The following LRP1B variants were observed in gnomAD, a reference collection of about 807,000 sequenced individuals.
LRP1B encodes low-density lipoprotein receptor-related protein 1B.
A neutral mutation model predicts 556.6 loss-of-function variants in LRP1B; 217 were observed. The observed-to-expected ratio is 0.39, with a 90% CI of 0.35 to 0.44. The LOEUF (loss-of-function observed/expected upper bound fraction) is 0.44, where lower values mean the gene tolerates loss of function less well. LRP1B is among the 20% of genes least tolerant of loss of function. LRP1B has a pLI of 1.00. For missense variants in LRP1B, 5,053 were observed against 5,620.8 expected (o/e 0.90, Z 3.23); for synonymous variants, 2,047 against 1,865.8 (o/e 1.10, Z -2.50).
intron 83 of LRP1B, among the ~76,000 whole-genome samples, chr2:140,313,438 A>G (rs1684391059): frequency 6.6e-6 from 1 of 151,936 alleles, no homozygotes; most frequent in Admixed American, 6.6e-5. Flanking sequence ...GCATCAAGAC[A>G]GCAAATTCAA....
At chr2:141,836,231 T>G (rs1697273973) in intron 1 of LRP1B, among the ~76,000 whole-genome samples, 3 of 152,040 alleles carry the variant, frequency 2.0e-5, no homozygotes, top group African/African-American at 4.8e-5. Context: ...GCCACTATTG[T>G]GCAAACTCAC....
chr2:140,247,160 C>T lies in LRP1B; in HGVS notation c.13250G>A (p.Cys4417Tyr), dbSNP rs2104899295. 1 of 1,606,928 alleles carries T rather than the reference C, an allele frequency of 6.2e-7. No individual in the cohort carries two copies. The highest frequency in any genetic ancestry group is 8.5e-7 in the Non-Finnish European group (1 of 1,174,682). ...CTGTGTGCCTGACCAGTTGGTGGAG[C>T]ATCTAAAAATATCCAAACAACAAAC... ...DPETNVPVCL[C>Y]STNWSGTQCE... The change falls in exon 87 of 91, where the codon TGC becomes TAC. Residue 4417 changes from cysteine (C) to tyrosine (Y), a missense_variant and splice_region_variant. Around this residue, in one of 5 missense-constraint regions of LRP1B, gnomAD observed 551 missense variants for 592.0 expected, o/e 0.93. Coordinates refer to ENST00000389484, the MANE Select transcript of LRP1B (RefSeq NM_018557.3).
chr2:141,778,186 G>A (rs918518397), intron 2 of LRP1B, among the ~76,000 whole-genome samples: 1 of 152,118 alleles, frequency 6.6e-6, no homozygotes, highest in Non-Finnish European at 1.5e-5. Context: ...AGACTATTAG[G>A]CAGAAATCCC....
chr2:141,567,732 TGGGAAAC>T (rs1686382837), intron 2 of LRP1B, among the ~76,000 whole-genome samples: 2 of 146,310 alleles, frequency 1.4e-5, no homozygotes, highest in Non-Finnish European at 1.5e-5. Flanking sequence ...TTATTTTACC[TGGGAAAC>T]TAAACAGACC....
chr2:141,518,834 C>A (rs894354801), intron 2 of LRP1B, among the ~76,000 whole-genome samples: 1 of 152,146 alleles, frequency 6.6e-6, no homozygotes, highest in African/African-American at 2.4e-5. Context: ...CCTGTAATCC[C>A]AGCTACTTGG....
chr2:140,620,550 T>C (rs890140672), intron 41 of LRP1B, among the ~76,000 whole-genome samples: 16 of 152,168 alleles, frequency 1.1e-4, no homozygotes, highest in African/African-American at 3.6e-4. Flanking sequence ...TAATTAATTA[T>C]GTGAAATCAT....
chr2:140,685,089 G>A (rs558970759), intron 41 of LRP1B, among the ~76,000 whole-genome samples: 42 of 152,282 alleles, frequency 2.8e-4, no homozygotes, highest in African/African-American at 9.9e-4. Context: ...TGTGAGATGA[G>A]TGGAGAACTC....
chr2:141,015,386 G>T (rs1444832019), intron 13 of LRP1B, among the ~76,000 whole-genome samples: 1 of 151,946 alleles, frequency 6.6e-6, no homozygotes, highest in Non-Finnish European at 1.5e-5. Flanking sequence ...AATAGAGTGG[G>T]GTTGCTTGGT....
chr2:141,386,600 TA>T (rs533877611), intron 3 of LRP1B, among the ~76,000 whole-genome samples: 16 of 151,982 alleles, frequency 1.1e-4, no homozygotes, highest in African/African-American at 1.9e-4. Flanking sequence ...TAGACTTATG[TA>T]AAAAAACTAT....
At chr2:140,894,531 CA>C (rs35311528) in intron 23 of LRP1B, among the ~76,000 whole-genome samples, 8 of 149,670 alleles carry the variant, frequency 5.3e-5, no homozygotes, top group Admixed American at 6.6e-5. Flanking sequence ...CCCTGAAGAC[CA>C]AAAAAAAAAT....
At chr2:140,540,419 G>T (rs766949600) in intron 45 of LRP1B, among the ~76,000 whole-genome samples, 1 of 152,080 alleles carries the variant, frequency 6.6e-6, no homozygotes, top group Non-Finnish European at 1.5e-5. Flanking sequence ...CTGTTAATAA[G>T]TGTGTATTGT....
intron 3 of LRP1B, among the ~76,000 whole-genome samples, chr2:141,329,662 A>AG: frequency 6.6e-6 from 1 of 150,938 alleles, no homozygotes; most frequent in Non-Finnish European, 1.5e-5. Context: ...AAAAAAAAAA[A>AG]AAACTATCTC....
chr2:140,720,108 T>C (rs1687349946), intron 35 of LRP1B, among the ~76,000 whole-genome samples: 1 of 152,052 alleles, frequency 6.6e-6, no homozygotes, highest in South Asian at 2.1e-4. Flanking sequence ...AACCATGTCC[T>C]GATACTTATT....
At chr2:140,783,883 A>C (rs985926143) in intron 32 of LRP1B, among the ~76,000 whole-genome samples, 11 of 152,208 alleles carry the variant, frequency 7.2e-5, no homozygotes, top group African/African-American at 2.7e-4. Context: ...CTACATTAGA[A>C]GTTCTCAAAT....
rs1468247541 is a variant in LRP1B at position 140,664,785 on chromosome 2, T to C, written c.6799+35465A>G. On this transcript the variant is annotated intron_variant, in intron 41 of 90. Transcript: ENST00000389484. Reference sequence around the variant, plus strand: ...GTTCTTAAGTGCTTTGTGACATCTTTCCCTGATAATCCAATGTCATATTAC... The same window carrying C: ...GTTCTTAAGTGCTTTGTGACATCTTCCCCTGATAATCCAATGTCATATTAC... 9.2e-5 allele frequency among the ~76,000 whole-genome samples: 14 copies of C among 152,120 alleles called. 2 individuals carry two copies. In the South Asian group the frequency reaches 2.9e-3, roughly 32 times the overall value.
chr2:140,329,461 G>A (rs955904477), intron 79 of LRP1B, among the ~76,000 whole-genome samples: 1 of 151,982 alleles, frequency 6.6e-6, no homozygotes, highest in Non-Finnish European at 1.5e-5. Context: ...TAATGTCTCT[G>A]TTTGCAGATG....
Position 140,839,981 on chromosome 2 carries a change from A to G in LRP1B, c.5209+10T>C. ...TTGAAAACTTGGTGACTATTAAAAA[A>G]AATACTTACCAACTGGCTCCTTCTG... On this transcript the variant is annotated intron_variant, in intron 31 of 90. Coordinates refer to ENST00000389484, the MANE Select transcript of LRP1B (RefSeq NM_018557.3). 1 of 1,584,656 alleles carries G rather than the reference A, an allele frequency of 6.3e-7. No homozygotes were observed. Among genetic ancestry groups the G allele is most frequent in the South Asian group, 1.1e-5 (1 of 89,372 alleles).
chr2:140,636,579 A>T (rs1684078279), intron 41 of LRP1B, among the ~76,000 whole-genome samples: 1 of 152,160 alleles, frequency 6.6e-6, no homozygotes, highest in Non-Finnish European at 1.5e-5. Context: ...TTAGCAGCTC[A>T]TGTATCTCAG....
At chr2:141,459,780 C>A (rs927125943) in intron 3 of LRP1B, among the ~76,000 whole-genome samples, 45 of 152,296 alleles carry the variant, frequency 3.0e-4, no homozygotes, top group African/African-American at 1.1e-3. Flanking sequence ...CCACATGGAA[C>A]TGTGAGTCCA....
Sources: allele counts gnomAD v4.1 joint callset (sites outside exome capture counted in the v4.1 genomes callset), GRCh38; gene constraint gnomAD v4.1.1; regional missense constraint gnomAD v4.1.1; transcripts MANE v1.5; gene names NCBI Gene and HGNC (gene_info 2026-07-23, HGNC 2026-07-21).